ANK2: variants seen among roughly 807,000 people sequenced by gnomAD.
ANK2 encodes ankyrin 2.
In ANK2, 83 loss-of-function variants were observed where a neutral mutation model predicts 360.5. The ratio of observed to expected loss-of-function variants is 0.23; its 90% CI spans 0.19 to 0.28. The LOEUF (loss-of-function observed/expected upper bound fraction) is 0.28, where lower values mean the gene tolerates loss of function less well. Ranked by LOEUF, ANK2 falls within the 10% of genes least tolerant of loss-of-function variation. The pLI is 1.00. For synonymous variants in ANK2, 1,740 were observed against 1,759.5 expected, an observed-to-expected ratio of 0.99 and a Z score of 0.28; for missense variants, 4,201 against 4,795.7, an observed-to-expected ratio of 0.88 and a Z score of 3.66.
intron 2 of ANK2, among the ~76,000 whole-genome samples, chr4:113,016,271 A>C (rs1015902199): frequency 6.6e-6 from 1 of 152,106 alleles, no homozygotes; most frequent in African/African-American, 2.4e-5. Flanking sequence ...GGCCTTAGAG[A>C]GGTATATACC....
At chr4:112,979,901 T>G (rs1200493677) in intron 2 of ANK2, 1 of 152,146 alleles carries the variant, frequency 6.6e-6, no homozygotes, top group Non-Finnish European at 1.5e-5. Flanking sequence ...GTTCTCACTT[T>G]CCGAGGCAGA....
chr4:113,237,479 A>G, intron 6 of ANK2, 120 bp from the exon 7 acceptor site: 1 of 981,568 alleles, frequency 1.0e-6, no homozygotes, highest in Non-Finnish European at 1.7e-6. Flanking sequence ...GTCTTCTTCC[A>G]GTAGAATGCA....
chr4:113,375,159 A>T (rs1212020847), intron 45 of ANK2, among the ~76,000 whole-genome samples: 2 of 152,192 alleles, frequency 1.3e-5, no homozygotes, highest in Non-Finnish European at 2.9e-5. Context: ...AGCTTTTAAA[A>T]ATCCAGGTAA....
intron 2 of ANK2, among the ~76,000 whole-genome samples, chr4:112,912,747 T>G (rs535020138): frequency 6.6e-6 from 1 of 152,070 alleles, no homozygotes; most frequent in East Asian, 1.9e-4. Flanking sequence ...ATTAAATAAT[T>G]TTTAGGTTCT....
At position 113,278,541 on chromosome 4, in the gene ANK2, C is replaced by T; in HGVS notation, c.1864C>T (p.Pro622Ser). ...ALLLLEKGAS[P>S]HATAKNGYTP... Reference sequence around the variant, plus strand: ...GCTGTTACTGGAGAAGGGTGCTTCCCCTCATGCCACTGCCAAGGTGAGGAC... The same window carrying T: ...GCTGTTACTGGAGAAGGGTGCTTCCTCTCATGCCACTGCCAAGGTGAGGAC... Residue 622 changes from proline (P) to serine (S), a missense_variant, in exon 17 of 46, where the codon CCT (proline) becomes TCT (serine). Pro to Ser is a moderately conservative substitution (Grantham distance 74). This residue lies in a region of ANK2 where 1,268 missense variants were observed against 1,650.8 expected (regional missense o/e 0.77). Coordinates refer to ENST00000357077, the MANE Select transcript of ANK2 (RefSeq NM_001148.6). 1 of 1,613,910 alleles carries T rather than the reference C, an allele frequency of 6.2e-7. No homozygotes were observed. The highest frequency in any genetic ancestry group is 2.2e-5 in the East Asian group (1 of 44,848).
At chr4:112,961,924 A>T (rs2035021582) in intron 2 of ANK2, among the ~76,000 whole-genome samples, 2 of 152,130 alleles carry the variant, frequency 1.3e-5, no homozygotes, top group South Asian at 4.1e-4. Flanking sequence ...TGATTTGTTT[A>T]ATTTGTTTGG....
chr4:112,921,555 C>T (rs1257015874), intron 2 of ANK2, among the ~76,000 whole-genome samples: 3 of 151,972 alleles, frequency 2.0e-5, no homozygotes, highest in Admixed American at 1.3e-4. Context: ...CACACTACAA[C>T]CTCCAACTCC....
intron 2 of ANK2, among the ~76,000 whole-genome samples, chr4:113,014,461 G>A (rs532410706): frequency 6.6e-6 from 1 of 152,072 alleles, no homozygotes; most frequent in East Asian, 1.9e-4. Context: ...CTCACCCAAG[G>A]TTGCATGACT....
At chr4:113,301,787 G>A (rs1403318514) in intron 22 of ANK2, among the ~76,000 whole-genome samples, 1 of 152,132 alleles carries the variant, frequency 6.6e-6, no homozygotes, top group East Asian at 1.9e-4. Context: ...GGTATGTCTT[G>A]TGTCTAAAAT....
chr4:112,836,647 G>A (rs1435154332), intron 1 of ANK2, among the ~76,000 whole-genome samples: 2 of 152,236 alleles, frequency 1.3e-5, no homozygotes, highest in African/African-American at 4.8e-5. Context: ...ATTGGGAACT[G>A]GAGTAAAGGT....
chr4:112,728,834 A>G, the ANK2 span, among the ~76,000 whole-genome samples: 1 of 152,200 alleles, frequency 6.6e-6, no homozygotes, highest in South Asian at 2.1e-4. Flanking sequence ...TTGAATCAAT[A>G]AAAATTTTAA....
chr4:113,241,908 C>T (rs1163967411), intron 8 of ANK2, among the ~76,000 whole-genome samples: 1 of 152,134 alleles, frequency 6.6e-6, no homozygotes, highest in Admixed American at 6.5e-5. Context: ...TATGCAGTTT[C>T]ATTCCATTTT....
chr4:112,770,413 T>C, the ANK2 span, among the ~76,000 whole-genome samples: 1 of 152,194 alleles, frequency 6.6e-6, no homozygotes, highest in African/African-American at 2.4e-5. Flanking sequence ...TTATCAGATT[T>C]ATGTGCATTA....
chr4:112,998,036 T>A (rs936616173), intron 2 of ANK2, among the ~76,000 whole-genome samples: 8 of 152,058 alleles, frequency 5.3e-5, no homozygotes, highest in African/African-American at 1.9e-4. Flanking sequence ...CATGTGGTCC[T>A]AAATGAGATG....
At chr4:113,346,232 G>C (rs376012567) in intron 35 of ANK2, among the ~76,000 whole-genome samples, 1 of 152,094 alleles carries the variant, frequency 6.6e-6, no homozygotes, top group Non-Finnish European at 1.5e-5. Flanking sequence ...AAGAAAAAAC[G>C]TAGTGCCACC....
intron 2 of ANK2, among the ~76,000 whole-genome samples, chr4:112,952,839 A>G (rs1458183944): frequency 6.6e-6 from 1 of 152,120 alleles, no homozygotes; most frequent in Non-Finnish European, 1.5e-5. Flanking sequence ...ACAAATCTGT[A>G]AGGGGCATAT....
intron 45 of ANK2, among the ~76,000 whole-genome samples, chr4:113,377,839 T>C (rs13146692): frequency 0.075 from 11,478 of 152,194 alleles, 624 homozygotes; most frequent in Middle Eastern, 0.18. Context: ...AGGAGGAAAT[T>C]GAAAGTCAAT....
intron 2 of ANK2, among the ~76,000 whole-genome samples, chr4:112,970,973 A>G (rs1432631288): frequency 6.6e-6 from 1 of 152,232 alleles, no homozygotes; most frequent in Non-Finnish European, 1.5e-5. Context: ...TACAATTTTT[A>G]TTCATCAATT....
the ANK2 span, among the ~76,000 whole-genome samples, chr4:112,740,955 A>C: frequency 3.2e-4 from 48 of 151,400 alleles, no homozygotes; most frequent in Non-Finnish European, 3.4e-4. Flanking sequence ...GCATCACTGC[A>C]CTCCAGCCTG....
Sources: allele counts gnomAD v4.1 joint callset (sites outside exome capture counted in the v4.1 genomes callset), GRCh38; gene constraint gnomAD v4.1.1; regional missense constraint gnomAD v4.1.1; transcripts MANE v1.5; gene names NCBI Gene and HGNC (gene_info 2026-07-23, HGNC 2026-07-21).